Variants in ADARB2 observed in about 807,000 individuals in gnomAD.
ADARB2 encodes the protein inactive double-stranded RNA-specific editase B2.
Under a neutral mutation model 62.2 loss-of-function variants are expected in ADARB2, and 25 were observed. The observed-to-expected ratio is 0.40, with a 90% CI of 0.29 to 0.56. The LOEUF (loss-of-function observed/expected upper bound fraction) is 0.56, where lower values mean the gene tolerates loss of function less well. Ranked by LOEUF, ADARB2 falls within the 20% of genes least tolerant of loss-of-function variation. ADARB2 has a pLI of 0.43. For synonymous variants in ADARB2, 572 were observed against 500.8 expected (o/e 1.14, Z -1.90); for missense variants, 1,071 against 1,077.4 (o/e 0.99, Z 0.08).
At chr10:1,316,119 T>C (rs148577667) in intron 3 of ADARB2, among the ~76,000 whole-genome samples, 4,796 of 152,358 alleles carry the variant, frequency 0.031, 118 homozygotes, top group Non-Finnish European at 0.049. Flanking sequence ...AAAGACTGAG[T>C]GTGAACTTTG....
At chr10:1,272,963 G>A (rs1831277032) in intron 3 of ADARB2, among the ~76,000 whole-genome samples, 1 of 152,180 alleles carries the variant, frequency 6.6e-6, no homozygotes, top group Non-Finnish European at 1.5e-5. Flanking sequence ...CCAGGCCTCC[G>A]GGCGTCCCTG....
intron 1 of ADARB2, among the ~76,000 whole-genome samples, chr10:1,660,599 A>T (rs1458439861): frequency 1.3e-5 from 2 of 152,164 alleles, no homozygotes; most frequent in African/African-American, 2.4e-5. Context: ...CCCCAGAAAA[A>T]GGGTGGATTT....
chr10:1,583,159 A>G (rs1833128809), intron 1 of ADARB2, among the ~76,000 whole-genome samples: 1 of 151,934 alleles, frequency 6.6e-6, no homozygotes, highest in African/African-American at 2.4e-5. Flanking sequence ...CACTTGACCT[A>G]TTCTGCCTCC....
intron 1 of ADARB2, among the ~76,000 whole-genome samples, chr10:1,614,773 T>C (rs1475335429): frequency 1.3e-5 from 2 of 152,066 alleles, no homozygotes; most frequent in African/African-American, 2.4e-5. Context: ...TAGCCGGGTG[T>C]GGTGGCGGGC....
In ADARB2 at chr10:1,208,415, G is replaced by A. The variant is rs191393212; in HGVS notation, c.1683-8268C>T. On this transcript the variant is annotated intron_variant, in intron 7 of 9. Transcript: ENST00000381312. ...TGTCCTCCAAGCACCCACTGGCTCT[G>A]AGGTCACAGAGGAGGCCAAGGACAC... is the stretch of plus-strand genomic sequence containing the variant. Among the ~76,000 whole-genome samples, 13 of 152,306 alleles carry A rather than the reference G, an allele frequency of 8.5e-5. No homozygotes were observed. The East Asian group carries it at 2.5e-3, about 30-fold the overall frequency.
At chr10:1,400,441 C>T (rs193206118) in intron 1 of ADARB2, among the ~76,000 whole-genome samples, 6 of 152,180 alleles carry the variant, frequency 3.9e-5, no homozygotes, top group Non-Finnish European at 5.9e-5. Context: ...AAGCAAGTCA[C>T]GGCAGCACAT....
chr10:1,663,907 C>T (rs752566948), intron 1 of ADARB2, among the ~76,000 whole-genome samples: 4 of 152,208 alleles, frequency 2.6e-5, no homozygotes, highest in Non-Finnish European at 5.9e-5. Flanking sequence ...TGTGAGCCAC[C>T]ACGCCTGGCC....
chr10:1,274,288 G>A (rs918948232), intron 3 of ADARB2, among the ~76,000 whole-genome samples: 3 of 152,250 alleles, frequency 2.0e-5, no homozygotes, highest in African/African-American at 7.2e-5. Flanking sequence ...GTCCCACGGG[G>A]TTCACTGTCG....
chr10:1,198,892 G>T (rs1836945374), intron 8 of ADARB2, among the ~76,000 whole-genome samples: 1 of 152,250 alleles, frequency 6.6e-6, no homozygotes, highest in Non-Finnish European at 1.5e-5. Flanking sequence ...CGTTGACGGT[G>T]GCTTGGGGAG....
At chr10:1,315,254 G>T (rs1004531104) in intron 3 of ADARB2, among the ~76,000 whole-genome samples, 2 of 152,196 alleles carry the variant, frequency 1.3e-5, no homozygotes, top group East Asian at 3.9e-4. Context: ...GGTGCTGCAG[G>T]TGACAGGGTG....
intron 1 of ADARB2, among the ~76,000 whole-genome samples, chr10:1,412,818 T>C (rs148728875): frequency 6.6e-6 from 1 of 152,222 alleles, no homozygotes; most frequent in Non-Finnish European, 1.5e-5. Flanking sequence ...TTCTCCTCTT[T>C]ACTATAAAAA....
chr10:1,337,168 G>T (rs927089755), intron 3 of ADARB2, among the ~76,000 whole-genome samples: 2 of 152,018 alleles, frequency 1.3e-5, no homozygotes, highest in Non-Finnish European at 1.5e-5. Context: ...GGTCCAGATA[G>T]TGCATGTTTA....
chr10:1,329,953 T>C (rs566797224), intron 3 of ADARB2, among the ~76,000 whole-genome samples: 2 of 134,200 alleles, frequency 1.5e-5, no homozygotes, highest in African/African-American at 2.9e-5. Flanking sequence ...TTTTTTTTTT[T>C]TCTCTTAAAC....
intron 1 of ADARB2, among the ~76,000 whole-genome samples, chr10:1,669,675 C>T (rs967872286): frequency 2.6e-5 from 4 of 151,510 alleles, no homozygotes; most frequent in African/African-American, 9.7e-5. Context: ...CACAAACACA[C>T]ACAGACACAT....
chr10:1,517,032 C>T (rs1204572777), intron 1 of ADARB2, among the ~76,000 whole-genome samples: 1 of 152,208 alleles, frequency 6.6e-6, no homozygotes, highest in African/African-American at 2.4e-5. Flanking sequence ...GTGGGAGGAA[C>T]ATTTGATCCC....
At chr10:1,593,443 T>G (rs1014517822) in intron 1 of ADARB2, among the ~76,000 whole-genome samples, 1 of 152,250 alleles carries the variant, frequency 6.6e-6, no homozygotes, top group Non-Finnish European at 1.5e-5. Flanking sequence ...CAGTGTCAGG[T>G]GACCATGAGT....
intron 4 of ADARB2, among the ~76,000 whole-genome samples, chr10:1,246,150 C>A (rs1830984469): frequency 6.6e-6 from 1 of 151,982 alleles, no homozygotes; most frequent in South Asian, 2.1e-4. Context: ...TGAGAAGTGT[C>A]TGTTCATATC....
intron 1 of ADARB2, among the ~76,000 whole-genome samples, chr10:1,646,913 T>A (rs1396689483): frequency 6.6e-6 from 1 of 152,214 alleles, no homozygotes; most frequent in Non-Finnish European, 1.5e-5. Flanking sequence ...GCGACCAGCA[T>A]GCAAGAGTTC....
At chr10:1,374,612 C>T (rs999572959) in intron 2 of ADARB2, among the ~76,000 whole-genome samples, 2 of 152,174 alleles carry the variant, frequency 1.3e-5, no homozygotes, top group Admixed American at 1.3e-4. Flanking sequence ...GGTCTGCCCT[C>T]CCTCTGCCCG....
Sources: gnomAD v4.1 joint callset for allele counts (sites outside exome capture counted in the v4.1 genomes callset) on GRCh38, gnomAD v4.1.1 for gene constraint, MANE v1.5 for transcripts, NCBI Gene and HGNC (gene_info 2026-07-23, HGNC 2026-07-21) for gene names.